Variants in RUFY2 observed in about 807,000 individuals in gnomAD.
RUFY2 encodes RUN and FYVE domain-containing protein 2.
A neutral mutation model predicts 94.4 loss-of-function variants in RUFY2; 49 were observed. The ratio of observed to expected loss-of-function variants is 0.52; its 90% CI spans 0.41 to 0.66. RUFY2 has a LOEUF of 0.66. Ranked by LOEUF, RUFY2 falls within the 30% of genes least tolerant of loss-of-function variation. The pLI, the probability that RUFY2 is intolerant of heterozygous loss-of-function variation, is 0.00. For synonymous variants in RUFY2, 255 were observed against 235.7 expected (o/e 1.08, Z -0.75); for missense variants, 541 against 692.8 (o/e 0.78, Z 2.46).
Position 68,390,910 on chromosome 10 carries a change from G to C in RUFY2, c.650+2228C>G, listed in dbSNP as rs187063247. ...GCCTCCCAAAGTGCTGGGATTACAT[G>C]CATGAGCCATCACACCTGGCCTAAT... On this transcript the variant is annotated intron_variant, in intron 7 of 17. Coordinates refer to ENST00000602465, the MANE Select transcript of RUFY2 (RefSeq NM_001330103.2). Among the ~76,000 whole-genome samples the C allele has an allele frequency of 7.9e-4, 119 of 151,440 alleles. 1 individual carries two copies. Among genetic ancestry groups the C allele is most frequent in the East Asian group, 9.7e-4 (5 of 5,178 alleles).
chr10:68,406,641 C>T (rs2051335182), intron 1 of RUFY2: 4 of 1,062,846 alleles, frequency 3.8e-6, no homozygotes, highest in Non-Finnish European at 5.3e-6. Flanking sequence ...AGGGCCAGTG[C>T]CCGCACCTTG....
intron 4 of RUFY2, among the ~76,000 whole-genome samples, chr10:68,395,731 T>C (rs2050345351): frequency 6.6e-6 from 1 of 152,234 alleles, no homozygotes; most frequent in Non-Finnish European, 1.5e-5. Flanking sequence ...ATAAGGCCCA[T>C]GTACATTATT....
At chr10:68,399,414 G>T (rs1028251914) in intron 3 of RUFY2, among the ~76,000 whole-genome samples, 12 of 151,978 alleles carry the variant, frequency 7.9e-5, no homozygotes, top group African/African-American at 2.9e-4. Context: ...AATTTATCTG[G>T]CATTTATTTT....
At position 68,398,058 on chromosome 10, in the gene RUFY2, C is replaced by T. The variant is rs373043609; in HGVS notation, c.297-1177G>A. On this transcript the variant is annotated intron_variant, in intron 3 of 17. Coordinates refer to ENST00000602465, the MANE Select transcript of RUFY2 (RefSeq NM_001330103.2). ...AGGAGAATCACTGGAACCCGGGAGG[C>T]GGAGGGTACAGTCAGGCAAGATTGC... Among the ~76,000 whole-genome samples, 284 of 137,392 alleles carry T rather than the reference C, an allele frequency of 2.1e-3. 1 individual carries two copies. Among genetic ancestry groups the T allele is most frequent in the African/African-American group, 7.0e-3 (258 of 36,618 alleles). The allele number at this position is 137,392 out of a possible 152,430, so 90.1% of individuals were successfully genotyped here.
intron 16 of RUFY2, among the ~76,000 whole-genome samples, chr10:68,352,875 G>C (rs1399438394): frequency 6.6e-6 from 1 of 151,496 alleles, no homozygotes; most frequent in Non-Finnish European, 1.5e-5. Flanking sequence ...AGTCAAGATC[G>C]TGCCACTACA....
intron 16 of RUFY2, among the ~76,000 whole-genome samples, chr10:68,351,382 C>T (rs1221637935): frequency 8.6e-5 from 13 of 151,824 alleles, no homozygotes; most frequent in African/African-American, 2.4e-4. Context: ...GTGATCCACC[C>T]GCCTTGGCCT....
At chr10:68,396,300 T>C (rs1016670488) in intron 4 of RUFY2, among the ~76,000 whole-genome samples, 7 of 152,110 alleles carry the variant, frequency 4.6e-5, no homozygotes, top group Non-Finnish European at 8.8e-5. Context: ...AAAATAAATG[T>C]TTGGACTTCA....
At chr10:68,352,470 G>A (rs943419577) in intron 16 of RUFY2, among the ~76,000 whole-genome samples, 3 of 152,192 alleles carry the variant, frequency 2.0e-5, no homozygotes, top group East Asian at 1.9e-4. Flanking sequence ...GAGCAGGAGA[G>A]CAGAGAACTC....
intron 2 of RUFY2, among the ~76,000 whole-genome samples, chr10:68,402,097 A>C (rs1281231748): frequency 6.6e-6 from 1 of 152,122 alleles, no homozygotes; most frequent in African/African-American, 2.4e-5. Context: ...GCACAAATAA[A>C]AAGTTATTTT....
At chr10:68,383,391 G>A (rs2049238003) in intron 10 of RUFY2, among the ~76,000 whole-genome samples, 1 of 152,070 alleles carries the variant, frequency 6.6e-6, no homozygotes, top group African/African-American at 2.4e-5. Context: ...GGCCAAGATA[G>A]GCAGATCACT....
chr10:68,342,177 A>G, downstream of RUFY2: 1 of 646,708 alleles, frequency 1.5e-6, no homozygotes, highest in Non-Finnish European at 2.5e-6. Flanking sequence ...TTTTCAAAAT[A>G]TTATTTGGTA....
At chr10:68,352,802 C>T (rs1338122313) in intron 16 of RUFY2, among the ~76,000 whole-genome samples, 1 of 151,954 alleles carries the variant, frequency 6.6e-6, no homozygotes, top group Non-Finnish European at 1.5e-5. Flanking sequence ...TGCCTGTAAT[C>T]TCAGCTACTT....
chr10:68,380,692 T>C (rs1201017534), intron 11 of RUFY2, among the ~76,000 whole-genome samples: 1 of 151,906 alleles, frequency 6.6e-6, no homozygotes, highest in African/African-American at 2.4e-5. Context: ...TGAAACCCCA[T>C]CTCTACTAAA....
chr10:68,365,621 T>C (rs949482703), intron 13 of RUFY2, among the ~76,000 whole-genome samples: 2 of 152,252 alleles, frequency 1.3e-5, no homozygotes, highest in Non-Finnish European at 2.9e-5. Flanking sequence ...CTTAAATGTA[T>C]GCATAACTCA....
rs1460509744 is a variant in RUFY2 at position 68,376,888 on chromosome 10, A to G, written c.1290T>C (p.Ser430=). The G allele has an allele frequency of 6.2e-7, 1 of 1,613,852 alleles. No individual in the cohort carries two copies. ...YLQECLSKSD[S]LQKQISQKEK... is the part of the protein sequence containing the mutation. Reference sequence around the variant, plus strand: ...CCTTTTGGGAGATTTGTTTCTGCAGACTATCAGATTTACTGAGACATTCTT... The same window carrying G: ...CCTTTTGGGAGATTTGTTTCTGCAGGCTATCAGATTTACTGAGACATTCTT... The change falls in exon 13 of 18, where the codon AGT becomes AGC. Residue 430 remains serine (S), a synonymous_variant. Coordinates refer to ENST00000602465, the MANE Select transcript of RUFY2 (RefSeq NM_001330103.2).
chr10:68,385,724 G>C (rs2049446591), intron 8 of RUFY2, among the ~76,000 whole-genome samples: 1 of 152,064 alleles, frequency 6.6e-6, no homozygotes, highest in South Asian at 2.1e-4. Context: ...CTAATTACAG[G>C]TGATTACACT....
chr10:68,360,732 A>T (rs1336114699), intron 15 of RUFY2, among the ~76,000 whole-genome samples: 1 of 151,550 alleles, frequency 6.6e-6, no homozygotes, highest in Admixed American at 6.6e-5. Context: ...TGGGCGACAG[A>T]GCGAGACTCC....
intron 4 of RUFY2, among the ~76,000 whole-genome samples, chr10:68,394,665 T>C (rs570070406): frequency 6.6e-6 from 1 of 152,030 alleles, no homozygotes; most frequent in Non-Finnish European, 1.5e-5. Flanking sequence ...AGTCTTGCTC[T>C]TTCACCCAGG....
intron 1 of RUFY2, among the ~76,000 whole-genome samples, chr10:68,406,592 G>C (rs547169930): frequency 2.0e-5 from 3 of 152,170 alleles, no homozygotes; most frequent in African/African-American, 7.2e-5. Flanking sequence ...CGGCCCGTAC[G>C]CGACCCCCAA....
Sources: allele counts gnomAD v4.1 joint callset (sites outside exome capture counted in the v4.1 genomes callset), GRCh38; gene constraint gnomAD v4.1.1; transcripts MANE v1.5; gene names NCBI Gene and HGNC (gene_info 2026-07-23, HGNC 2026-07-21).